The following BLOC1S2 variants were observed in gnomAD, a reference collection of about 807,000 sequenced individuals.
BLOC1S2 encodes biogenesis of lysosomal organelles complex 1 subunit 2.
A neutral mutation model predicts 19.6 loss-of-function variants in BLOC1S2; 12 were observed. That is an observed-to-expected ratio of 0.61 (90% confidence interval 0.39 to 0.99). The LOEUF is 0.99. BLOC1S2 is among the 50% of genes least tolerant of loss of function. The pLI is 0.00. For synonymous variants in BLOC1S2, 66 were observed against 64.1 expected, an observed-to-expected ratio of 1.03 and a Z score of -0.14; for missense variants, 142 against 171.0, an observed-to-expected ratio of 0.83 and a Z score of 0.95.
intron 4 of BLOC1S2, among the ~76,000 whole-genome samples, chr10:100,278,893 C>T (rs1475289406): frequency 1.3e-5 from 2 of 151,970 alleles, no homozygotes; most frequent in Non-Finnish European, 2.9e-5. Context: ...CGAGACCAGC[C>T]TGGGCAACAC....
intron 4 of BLOC1S2, among the ~76,000 whole-genome samples, chr10:100,277,543 C>T (rs1847939062): frequency 8.9e-6 from 1 of 112,582 alleles, no homozygotes; most frequent in African/African-American, 3.5e-5. Flanking sequence ...CTGTCCCGTC[C>T]GGGAGGGAGG....
chr10:100,278,195 T>A, intron 4 of BLOC1S2, among the ~76,000 whole-genome samples: 1 of 146,732 alleles, frequency 6.8e-6, no homozygotes, highest in African/African-American at 2.5e-5. Flanking sequence ...AGCCGCCCCG[T>A]CCGGGAGGGA....
intron 4 of BLOC1S2, among the ~76,000 whole-genome samples, chr10:100,277,671 C>CG (rs1847949155): frequency 7.1e-6 from 1 of 140,594 alleles, no homozygotes; most frequent in Admixed American, 6.8e-5. Flanking sequence ...GCTCAGCCCC[C>CG]CCGCCCGGCC....
At chr10:100,286,001 T>G (rs1848224674) in intron 2 of BLOC1S2, 96 bp downstream of exon 2, 1 of 1,506,226 alleles carries the variant, frequency 6.6e-7, no homozygotes, top group African/African-American at 1.4e-5. Flanking sequence ...TCTCAGGGCA[T>G]GCAGGGTAGG....
intron 4 of BLOC1S2, among the ~76,000 whole-genome samples, chr10:100,277,316 C>T (rs1359852961): frequency 1.3e-5 from 2 of 151,646 alleles, no homozygotes; most frequent in African/African-American, 4.9e-5. Context: ...GCAGCCACCC[C>T]GGCCGGGAGG....
intron 4 of BLOC1S2, among the ~76,000 whole-genome samples, chr10:100,278,128 T>A (rs1373098965): frequency 1.0e-4 from 10 of 98,840 alleles, no homozygotes; most frequent in African/African-American, 4.4e-4. Flanking sequence ...CAGCGCCCCC[T>A]CCCGGCCAGC....
intron 2 of BLOC1S2, among the ~76,000 whole-genome samples, chr10:100,284,013 TC>T (rs1231833630): frequency 6.6e-6 from 1 of 152,234 alleles, no homozygotes; most frequent in African/African-American, 2.4e-5. Context: ...GAAATGTGCT[TC>T]CCCTTACTTC....
chr10:100,280,011 GAAGATTAATAGAT>G, intron 4 of BLOC1S2, 100 bp downstream of exon 4: 1 of 585,634 alleles, frequency 1.7e-6, no homozygotes, highest in Non-Finnish European at 2.8e-6. Context: ...AAGGTTTTGT[GAAGATTAATAGAT>G]CACTGTAGGC....
At chr10:100,281,290 G>A (rs1460809430) in intron 2 of BLOC1S2, among the ~76,000 whole-genome samples, 1 of 152,178 alleles carries the variant, frequency 6.6e-6, no homozygotes, top group African/African-American at 2.4e-5. Context: ...TCAGGATCAT[G>A]GTTACAAAGG....
chr10:100,286,022 C>T, intron 2 of BLOC1S2, 75 bp downstream of exon 2: 1 of 1,568,426 alleles, frequency 6.4e-7, no homozygotes, highest in Non-Finnish European at 8.7e-7. Flanking sequence ...AAGGGAGCTG[C>T]AGACTGATGC....
In BLOC1S2 at chr10:100,274,423, A is replaced by C. The variant is rs574917860; in HGVS notation, c.*1039T>G. 1 of 152,698 alleles carries C rather than the reference A, an allele frequency of 6.5e-6. No individual in the cohort carries two copies. The highest frequency in any genetic ancestry group is 2.1e-4 in the South Asian group (1 of 4,828). The allele number at this position is 152,698 out of a possible 1,614,324, so 9.5% of individuals were successfully genotyped here. A position where few individuals can be genotyped will look rare whatever the true frequency, so the allele number is the denominator to read the frequency against. On this transcript the variant is annotated 3_prime_UTR_variant, in exon 5 of 5. Coordinates refer to ENST00000370372, the MANE Select transcript of BLOC1S2 (RefSeq NM_173809.5). The stretch of plus-strand genomic sequence containing the variant: ...GTTGGAAGGGACAGTTAAGATGAGA[A>C]GAGACCACAGCAACAGTCCAGGAAG...
At chr10:100,278,308 G>C (rs1361399429) in intron 4 of BLOC1S2, among the ~76,000 whole-genome samples, 1 of 151,702 alleles carries the variant, frequency 6.6e-6, no homozygotes, top group Non-Finnish European at 1.5e-5. Flanking sequence ...CCCTCTGCCC[G>C]GCCACCACCC....
At chr10:100,280,520 C>T (rs1848076990) in intron 3 of BLOC1S2, among the ~76,000 whole-genome samples, 1 of 152,152 alleles carries the variant, frequency 6.6e-6, no homozygotes, top group Non-Finnish European at 1.5e-5. Flanking sequence ...TGGGTACTCC[C>T]ATACCAAGAA....
chr10:100,276,842 C>T (rs1165808777), intron 4 of BLOC1S2, among the ~76,000 whole-genome samples: 1 of 152,040 alleles, frequency 6.6e-6, no homozygotes, highest in Admixed American at 6.5e-5. Flanking sequence ...GGCGTGATCT[C>T]GGCTCGCTAT....
At chr10:100,276,626 C>G (rs7894957) in intron 4 of BLOC1S2, among the ~76,000 whole-genome samples, 8,559 of 134,230 alleles carry the variant, frequency 0.064, no homozygotes, top group South Asian at 0.14. Context: ...CTCAGCCTGC[C>G]GAGTGCCTGC....
chr10:100,275,259 G>T lies in BLOC1S2; in HGVS notation c.*203C>A. On this transcript the variant is annotated 3_prime_UTR_variant, in exon 5 of 5. Coordinates refer to ENST00000370372, the MANE Select transcript of BLOC1S2 (RefSeq NM_173809.5). Reference sequence around the variant, plus strand: ...GTAAAAGGTAGGAAGTTATAAGTGTGAGATTCTGAGGGATTCTGTCTCAAA... The same window carrying T: ...GTAAAAGGTAGGAAGTTATAAGTGTTAGATTCTGAGGGATTCTGTCTCAAA... 2.0e-6 allele frequency: 1 copy of T among 509,074 alleles called. No individual in the cohort carries two copies. The highest frequency in any genetic ancestry group is 3.5e-5 in the South Asian group (1 of 28,284). 31.5% of individuals were successfully genotyped at this position (509,074 alleles called of 1,614,324 possible).
intron 2 of BLOC1S2, among the ~76,000 whole-genome samples, chr10:100,282,230 A>G (rs1848127578): frequency 6.6e-6 from 1 of 152,234 alleles, no homozygotes; most frequent in Non-Finnish European, 1.5e-5. Flanking sequence ...ATTCTGCTAC[A>G]TCTATATCAT....
At chr10:100,280,772 C>T (rs1231089562) in intron 3 of BLOC1S2, among the ~76,000 whole-genome samples, 162 bp downstream of exon 3, 1 of 152,118 alleles carries the variant, frequency 6.6e-6, no homozygotes, top group Non-Finnish European at 1.5e-5. Context: ...ACAAAACATG[C>T]TAATCCTCAG....
At position 100,275,137 on chromosome 10, in the gene BLOC1S2, CA is replaced by C. The variant is rs768573547; in HGVS notation, c.*324del. On this transcript the variant is annotated 3_prime_UTR_variant, in exon 5 of 5. Coordinates refer to ENST00000370372, the MANE Select transcript of BLOC1S2 (RefSeq NM_173809.5). ...AAATAATGTAGTAATCAACCACTAC[CA>C]GAGAAAATAGGTCCTCTCATTTGAT... 3.5e-5 allele frequency: 14 copies of C among 404,182 alleles called. No individual in the cohort carries two copies. Among genetic ancestry groups the C allele is most frequent in the Admixed American group, 8.5e-5 (2 of 23,496 alleles). 25.0% of individuals were successfully genotyped at this position (404,182 alleles called of 1,614,324 possible).
Sources: gnomAD v4.1 joint callset for allele counts (sites outside exome capture counted in the v4.1 genomes callset) on GRCh38, gnomAD v4.1.1 for gene constraint, MANE v1.5 for transcripts, NCBI Gene and HGNC (gene_info 2026-07-23, HGNC 2026-07-21) for gene names.